The following AQP1 variants were observed in gnomAD, a reference collection of about 807,000 sequenced individuals.
The protein encoded by AQP1 is aquaporin-1.
In AQP1, 11 loss-of-function variants were observed where a neutral mutation model predicts 19.7. The observed-to-expected ratio is 0.56, with a 90% confidence interval of 0.35 to 0.92. The LOEUF is 0.92. AQP1 is among the 40% of genes least tolerant of loss of function. The pLI is 0.01. For synonymous variants in AQP1, 159 were observed against 166.7 expected, an observed-to-expected ratio of 0.95 and a Z score of 0.36; for missense variants, 320 against 369.7, an observed-to-expected ratio of 0.87 and a Z score of 1.10.
intron 1 of AQP1, among the ~76,000 whole-genome samples, chr7:30,914,806 G>A (rs1234058751): frequency 6.6e-6 from 1 of 152,270 alleles, no homozygotes; most frequent in African/African-American, 2.4e-5. Flanking sequence ...GCAGGAAGTG[G>A]TTGGGGTGAG....
rs1401166675 is a variant in AQP1 at position 30,911,919 on chromosome 7, G to A, written c.10G>A (p.Glu4Lys). 1.9e-6 allele frequency: 3 copies of A among 1,613,230 alleles called. No individual in the cohort carries two copies. Among genetic ancestry groups the A allele is most frequent in the Admixed American group, 1.7e-5 (1 of 60,022 alleles). Residue 4 changes from glutamate to lysine, a missense_variant, in exon 1 of 4, where the codon GAG (glutamate) becomes AAG (lysine). Physicochemically the swap from Glu to Lys is moderately conservative, Grantham distance 56 (BLOSUM62 1). Transcript: ENST00000311813. ...CAAGCCCCCTGCCAGCATGGCCAGC[G>A]AGTTCAAGAAGAAGCTCTTCTGGAG... MAS[E>K]FKKKLFWRAV...
chr7:30,923,974 G>A lies in AQP1; in HGVS notation c.*345G>A, dbSNP rs749918971. 62 of 1,393,686 alleles carry A rather than the reference G, an allele frequency of 4.4e-5. No individual in the cohort carries two copies. The Admixed American group carries it at 4.5e-4, about 10-fold the overall frequency. 86.3% of individuals were successfully genotyped at this position (1,393,686 alleles called of 1,614,324 possible). On this transcript the variant is annotated 3_prime_UTR_variant, in exon 4 of 4. Coordinates refer to ENST00000311813, the MANE Select transcript of AQP1 (RefSeq NM_198098.4). This position sits in a 1 kb window ranked among gnomAD's most constrained non-coding sequence, Gnocchi z 4.8. ...CCCCCTCGCCCCAAAGTTGCTCACC[G>A]ACTCACCTGCGCAAGTGCCTGGGAT...
rs372063183 is a variant in AQP1 at position 30,912,192 on chromosome 7, C to T, written c.283C>T (p.Leu95Phe). The T allele has an allele frequency of 9.3e-6, 15 of 1,612,336 alleles. No homozygotes were observed. The African/African-American group carries it at 1.3e-4, about 14-fold the overall frequency. The stretch of plus-strand genomic sequence containing the variant: ...CTGCCAGATCAGCATCTTCCGTGCC[C>T]TCATGTACATCATCGCCCAGTGCGT... ...LSCQISIFRALMYIIAQCVGA... is the reference protein window; with the variant it reads ...LSCQISIFRAFMYIIAQCVGA... The change falls in exon 1 of 4, where the codon CTC becomes TTC. Residue 95 changes from leucine (L) to phenylalanine (F), a missense_variant. Leu to Phe is a conservative substitution (Grantham distance 22). Transcript: ENST00000311813. This position sits in a 1 kb window ranked among gnomAD's most constrained non-coding sequence, Gnocchi z 4.3.
At position 30,923,681 on chromosome 7, in the gene AQP1, A is replaced by G. The variant is rs901819120; in HGVS notation, c.*52A>G. 4 of 863,516 alleles carry G rather than the reference A, an allele frequency of 4.6e-6. No homozygotes were observed. The highest frequency in any genetic ancestry group is 2.6e-5 in the Admixed American group (1 of 39,090). 53.5% of individuals were successfully genotyped at this position (863,516 alleles called of 1,614,324 possible). A position where few individuals can be genotyped will look rare whatever the true frequency, so the allele number is the denominator to read the frequency against. On this transcript the variant is annotated 3_prime_UTR_variant, in exon 4 of 4. Transcript: ENST00000311813. The surrounding 1 kb of genome is among the most constrained non-coding windows in gnomAD (Gnocchi z 4.8). The stretch of plus-strand genomic sequence containing the variant: ...AGGGGGCAGGGGCAGGGGCGGGCGG[A>G]GGGAGGGGAGGGGTGAAATCCATAC...
chr7:30,921,346 C>T, intron 1 of AQP1: 1 of 1,357,806 alleles, frequency 7.4e-7, no homozygotes, highest in Non-Finnish European at 9.4e-7. Flanking sequence ...GGTGGCGGGG[C>T]CTATCTGGCC....
At position 30,914,396 on chromosome 7, in the gene AQP1, T is replaced by G. The variant is rs546049994; in HGVS notation, c.384+2103T>G. 7.2e-5 allele frequency among the ~76,000 whole-genome samples: 11 copies of G among 152,300 alleles called. No individual in the cohort carries two copies. In the South Asian group the frequency reaches 2.3e-3, roughly 32 times the overall value. On this transcript the variant is annotated intron_variant, in intron 1 of 3. Transcript: ENST00000311813. ...CCAGACAGCCAGCTCACTTCATTGC[T>G]TTGAGCTTATCACCCATCCCACGAA...
At chr7:30,921,697 C>G in intron 1 of AQP1, 1 of 1,551,116 alleles carries the variant, frequency 6.4e-7, no homozygotes, top group South Asian at 1.2e-5. Context: ...TCCTGACCAT[C>G]ACCTTCATGC....
intron 1 of AQP1, among the ~76,000 whole-genome samples, chr7:30,915,545 T>C (rs1584381844): frequency 6.6e-6 from 1 of 150,768 alleles, no homozygotes; most frequent in African/African-American, 2.4e-5. Flanking sequence ...AGGCTGGGGG[T>C]GCATGGGAGG....
At position 30,912,572 on chromosome 7, in the gene AQP1, T is replaced by C. The variant is rs1791194948; in HGVS notation, c.384+279T>C. On this transcript the variant is annotated intron_variant, in intron 1 of 3. Transcript: ENST00000311813. The surrounding 1 kb of genome is among the most constrained non-coding windows in gnomAD (Gnocchi z 4.3). Reference sequence around the variant, plus strand: ...AGGGCATCTATTATGGGGAATAAGCTTGGCCAGCAGTTCCTCGCCCCTTGG... The same window carrying C: ...AGGGCATCTATTATGGGGAATAAGCCTGGCCAGCAGTTCCTCGCCCCTTGG... 6.6e-6 allele frequency among the ~76,000 whole-genome samples: 1 copy of C among 152,226 alleles called. No homozygotes were observed. Among genetic ancestry groups the C allele is most frequent in the Admixed American group, 6.5e-5 (1 of 15,284 alleles).
intron 1 of AQP1, among the ~76,000 whole-genome samples, chr7:30,915,543 G>A (rs918800723): frequency 6.6e-6 from 1 of 152,154 alleles, no homozygotes; most frequent in African/African-American, 2.4e-5. Context: ...TCAGGCTGGG[G>A]GTGCATGGGA....
At chr7:30,913,107 T>A (rs980205780) in intron 1 of AQP1, among the ~76,000 whole-genome samples, 1 of 151,946 alleles carries the variant, frequency 6.6e-6, no homozygotes, top group African/African-American at 2.4e-5. Flanking sequence ...GGGGGTGAGT[T>A]TGCAACACGT....
intron 1 of AQP1, among the ~76,000 whole-genome samples, chr7:30,917,550 T>C (rs1037385702): frequency 4.6e-5 from 7 of 152,138 alleles, no homozygotes; most frequent in African/African-American, 1.7e-4. Context: ...GCTATGTGGG[T>C]GTGTGACACA....
rs267601481 is a variant in AQP1, at chr7:30,922,088, G to A, written c.407G>A (p.Gly136Asp). The A allele has an allele frequency of 1.9e-6, 3 of 1,614,058 alleles. No homozygotes were observed. Among genetic ancestry groups the A allele is most frequent in the Non-Finnish European group, 1.7e-6 (2 of 1,180,022 alleles). ...CAGCTGGCTGATGGTGTGAACTCGG[G>A]CCAGGGCCTGGGCATCGAGATCATC... ...RNDLADGVNS[G>D]QGLGIEIIGT... is the part of the protein sequence containing the mutation. Residue 136 changes from glycine to aspartate, a missense_variant, in exon 2 of 4, where the codon GGC becomes GAC. Physicochemically the swap from Gly to Asp is moderately conservative, Grantham distance 94 (BLOSUM62 -1). Coordinates refer to ENST00000311813, the MANE Select transcript of AQP1 (RefSeq NM_198098.4).
rs778905104 is a variant in AQP1 at position 30,924,189 on chromosome 7, G to A, written c.*560G>A. ...GGACTTACTGCCTGACCTTGGAATC[G>A]TCCCTATATCAGGGCCTGAGTGACC... On this transcript the variant is annotated 3_prime_UTR_variant, in exon 4 of 4. Coordinates refer to ENST00000311813, the MANE Select transcript of AQP1 (RefSeq NM_198098.4). The A allele has an allele frequency of 2.0e-5, 22 of 1,096,898 alleles. No individual in the cohort carries two copies. The highest frequency in any genetic ancestry group is 1.1e-4 in the East Asian group (2 of 17,548). 67.9% of individuals were successfully genotyped at this position (1,096,898 alleles called of 1,614,324 possible).
chr7:30,921,177 C>A, intron 1 of AQP1: 1 of 759,142 alleles, frequency 1.3e-6, no homozygotes, highest in Non-Finnish European at 1.6e-6. Flanking sequence ...GGGACGGCCA[C>A]AAAGCATAGT....
Position 30,912,140 on chromosome 7 carries a change from G to T in AQP1, c.231G>T (p.Pro77=). 3 of 1,613,096 alleles carry T rather than the reference G, an allele frequency of 1.9e-6. No homozygotes were observed. Among genetic ancestry groups the T allele is most frequent in the Non-Finnish European group, 2.5e-6 (3 of 1,180,038 alleles). ...ACATCAGCGGCGCCCACCTCAACCC[G>T]GCTGTCACACTGGGGCTGCTGCTCA... ...VGHISGAHLN[P]AVTLGLLLSC... The change falls in exon 1 of 4, where the codon CCG becomes CCT. Residue 77 remains proline (P), a synonymous_variant. Coordinates refer to ENST00000311813, the MANE Select transcript of AQP1 (RefSeq NM_198098.4). This position sits in a 1 kb window ranked among gnomAD's most constrained non-coding sequence, Gnocchi z 4.3.
At chr7:30,920,764 C>T (rs1017640824) in intron 1 of AQP1, among the ~76,000 whole-genome samples, 1 of 152,220 alleles carries the variant, frequency 6.6e-6, no homozygotes, top group Non-Finnish European at 1.5e-5. Flanking sequence ...GGGCATTGGC[C>T]AGAGGGCTGG....
At chr7:30,917,815 T>C (rs1008690914) in intron 1 of AQP1, among the ~76,000 whole-genome samples, 1 of 152,176 alleles carries the variant, frequency 6.6e-6, no homozygotes, top group African/African-American at 2.4e-5. Context: ...ATCATGTTAT[T>C]GGTAGTTTTC....
At chr7:30,921,001 A>G (rs1791483972) in intron 1 of AQP1, among the ~76,000 whole-genome samples, 1 of 152,188 alleles carries the variant, frequency 6.6e-6, no homozygotes, top group Admixed American at 6.5e-5. Flanking sequence ...AGACACTCCC[A>G]TATCCTGAGG....
Sources: gnomAD v4.1 joint callset for allele counts (sites outside exome capture counted in the v4.1 genomes callset) on GRCh38, gnomAD v4.1.1 for gene constraint, Gnocchi (gnomAD v3.1) non-coding constraint, MANE v1.5 for transcripts, NCBI Gene and HGNC (gene_info 2026-07-23, HGNC 2026-07-21) for gene names.